The following EXOSC10 variants were observed in gnomAD, a reference collection of about 807,000 sequenced individuals.
EXOSC10 encodes exosome complex component 10.
In EXOSC10, 94 loss-of-function variants were observed where a neutral mutation model predicts 126.6. The ratio of observed to expected loss-of-function variants is 0.74; its 90% CI spans 0.63 to 0.88. The LOEUF (loss-of-function observed/expected upper bound fraction) is 0.88, where lower values mean the gene tolerates loss of function less well. Ranked by LOEUF, EXOSC10 falls within the 40% of genes least tolerant of loss-of-function variation. EXOSC10 has a pLI of 0.00. For synonymous variants in EXOSC10, 395 were observed against 400.8 expected, an observed-to-expected ratio of 0.99 and a Z score of 0.17; for missense variants, 1,041 against 1,100.5, an observed-to-expected ratio of 0.95 and a Z score of 0.77.
chr1:11,068,529 T>G (rs1570780421), intron 23 of EXOSC10, 116 bp downstream of exon 23: 1 of 801,258 alleles, frequency 1.2e-6, no homozygotes, highest in Non-Finnish European at 2.2e-6. Context: ...AGAAATGAGG[T>G]GAGGAAAAAG....
Position 11,090,314 on chromosome 1 carries a change from A to G in EXOSC10, c.758+240T>C, listed in dbSNP as rs78508444. 3.4e-3 allele frequency among the ~76,000 whole-genome samples: 517 copies of G among 152,226 alleles called. 1 individual carries two copies. Among genetic ancestry groups the G allele is most frequent in the Admixed American group, 7.1e-3 (109 of 15,288 alleles). On this transcript the variant is annotated intron_variant, in intron 6 of 24. Transcript: ENST00000376936. The stretch of plus-strand genomic sequence containing the variant: ...CGCCCAGCCTTCGTGTTTTACATCT[A>G]TAAAATGGGAATAAGAGCAACTGCT...
intron 3 of EXOSC10, among the ~76,000 whole-genome samples, chr1:11,091,909 C>A (rs537776537): frequency 6.6e-6 from 1 of 152,210 alleles, no homozygotes; most frequent in South Asian, 2.1e-4. Context: ...AGGCTGGTCT[C>A]GAACTCCTGA....
chr1:11,067,340 G>C (rs1300576922), intron 24 of EXOSC10, among the ~76,000 whole-genome samples: 1 of 152,090 alleles, frequency 6.6e-6, no homozygotes, highest in East Asian at 1.9e-4. Flanking sequence ...GCTGAGGCAG[G>C]AGAATGGCGT....
chr1:11,066,810 T>G, intron 24 of EXOSC10, 62 bp from the exon 25 acceptor site: 1 of 1,583,928 alleles, frequency 6.3e-7, no homozygotes, highest in South Asian at 1.1e-5. Context: ...CTCAGATGGT[T>G]TACAAAATGG....
intron 3 of EXOSC10, among the ~76,000 whole-genome samples, chr1:11,092,445 C>T (rs1217047506): frequency 6.6e-6 from 1 of 151,506 alleles, no homozygotes; most frequent in East Asian, 1.9e-4. Context: ...GATCTCTTGA[C>T]CTTGTGAGCT....
At chr1:11,070,680 C>T (rs1403927147) in intron 21 of EXOSC10, 24 of 543,398 alleles carry the variant, frequency 4.4e-5, no homozygotes, top group Non-Finnish European at 7.8e-5. Context: ...GGCATATTTA[C>T]CATAAACACA....
In EXOSC10 at chr1:11,080,610, G is replaced by A. The variant is rs1570816002; in HGVS notation, c.1587-61C>T. ...CACACACACACACACACACACGGTG[G>A]GGACACATTACATTCAGCCAGTAAG... On this transcript the variant is annotated intron_variant, in intron 12 of 24. Coordinates refer to ENST00000376936, the MANE Select transcript of EXOSC10 (RefSeq NM_001001998.3). 7 of 1,583,022 alleles carry A rather than the reference G, an allele frequency of 4.4e-6. No individual in the cohort carries two copies. The East Asian group carries it at 9.0e-5, about 20-fold the overall frequency.
chr1:11,097,918 C>T (rs1641206038), intron 2 of EXOSC10, 102 bp downstream of exon 2: 2 of 1,210,842 alleles, frequency 1.7e-6, no homozygotes, highest in African/African-American at 1.6e-5. Context: ...CTCTTCATAC[C>T]ACAGAAAATG....
At position 11,072,007 on chromosome 1, in the gene EXOSC10, A is replaced by G. The variant is rs144192115; in HGVS notation, c.2242+80T>C. ...CCACAGGGGCTTCATTCATCGCCGT[A>G]TCTGGCACTTGGCTGAAACAGCGGG... On this transcript the variant is annotated intron_variant, in intron 20 of 24. Coordinates refer to ENST00000376936, the MANE Select transcript of EXOSC10 (RefSeq NM_001001998.3). 6.2e-4 allele frequency: 720 copies of G among 1,168,422 alleles called. 9 individuals are homozygous for G. In the East Asian group the frequency reaches 0.016, roughly 26 times the overall value. The allele number at this position is 1,168,422 out of a possible 1,614,324, so 72.4% of individuals were successfully genotyped here.
At chr1:11,081,038 A>G in intron 11 of EXOSC10, 44 bp downstream of exon 11, 1 of 1,606,088 alleles carries the variant, frequency 6.2e-7, no homozygotes, top group South Asian at 1.1e-5. Flanking sequence ...GGCCAGACAC[A>G]GAGCCCAAGT....
At position 11,091,586 on chromosome 1, in the gene EXOSC10, C is replaced by G; in HGVS notation, c.384G>C (p.Leu128=). ...TCTTGTTTACACCTGAGGCTTCATC[C>G]AGTAAAATACCCTAAGAGTAGAAGA... ...DVILERVGIL[L]DEASGVNKNQ... Residue 128 remains leucine, a synonymous_variant, in exon 4 of 25, where the codon CTG becomes CTC. Transcript: ENST00000376936. 6.2e-7 allele frequency: 1 copy of G among 1,613,834 alleles called. No homozygotes were observed. The highest frequency in any genetic ancestry group is 8.5e-7 in the Non-Finnish European group (1 of 1,179,766).
chr1:11,073,859 C>G, intron 19 of EXOSC10, 75 bp downstream of exon 19: 1 of 1,078,434 alleles, frequency 9.3e-7, no homozygotes, highest in East Asian at 3.1e-5. Flanking sequence ...GCCTGGGTGA[C>G]AAAGCGAGAC....
intron 9 of EXOSC10, among the ~76,000 whole-genome samples, chr1:11,084,389 C>T (rs1488275980): frequency 2.6e-5 from 4 of 152,200 alleles, no homozygotes; most frequent in Non-Finnish European, 4.4e-5. Flanking sequence ...TGATGGTGAG[C>T]ATTTCTTCAT....
chr1:11,098,213 T>A, intron 1 of EXOSC10, 57 bp from the exon 2 acceptor site: 1 of 1,543,558 alleles, frequency 6.5e-7, no homozygotes. Flanking sequence ...TCATTTGGTA[T>A]GTCATTTTTT....
intron 24 of EXOSC10, among the ~76,000 whole-genome samples, chr1:11,067,289 G>A (rs367697215): frequency 5.9e-5 from 9 of 152,286 alleles, no homozygotes; most frequent in East Asian, 1.9e-4. Context: ...AAAATTAGCC[G>A]GGCATCATGG....
intron 2 of EXOSC10, among the ~76,000 whole-genome samples, chr1:11,097,432 G>T (rs1641171015): frequency 6.6e-6 from 1 of 151,744 alleles, no homozygotes; most frequent in Non-Finnish European, 1.5e-5. Context: ...TTGTGGGAAA[G>T]AATCTTGGAT....
intron 3 of EXOSC10, chr1:11,095,555 T>C: frequency 1.2e-5 from 5 of 410,012 alleles, no homozygotes; most frequent in South Asian, 5.1e-5. Context: ...CTACTAAAAA[T>C]ACAAAAAAAT....
intron 9 of EXOSC10, among the ~76,000 whole-genome samples, chr1:11,087,049 T>A (rs1640534389): frequency 1.3e-5 from 2 of 152,216 alleles, no homozygotes; most frequent in African/African-American, 4.8e-5. Flanking sequence ...TTTGAAAGGA[T>A]ATATGCAGTT....
rs752429280 is a variant in EXOSC10, at chr1:11,079,799, C to T, written c.1661G>A (p.Cys554Tyr). The T allele has an allele frequency of 1.9e-6, 3 of 1,613,368 alleles. No individual in the cohort carries two copies. In the Admixed American group the frequency reaches 5.0e-5, roughly 27 times the overall value. Residue 554 changes from cysteine to tyrosine, a missense_variant, in exon 14 of 25, where the codon TGC becomes TAC. Physicochemically the swap from Cys to Tyr is radical, Grantham distance 194 (BLOSUM62 -2). Around this residue, in one of 3 missense-constraint regions of EXOSC10, gnomAD observed 388 missense variants for 415.2 expected, o/e 0.93. Transcript: ENST00000376936. ...CACAAGGGGCGGTACTGGGTTGCAG[C>T]AAGCTATGATGCCCTGAGGTTCCCT... The part of the protein sequence containing the change: ...LPKEPQGIIA[C>Y]CNPVPPLVRQ...
Sources: gnomAD v4.1 joint callset for allele counts (sites outside exome capture counted in the v4.1 genomes callset) on GRCh38, gnomAD v4.1.1 for gene constraint, gnomAD v4.1.1 regional missense constraint, MANE v1.5 for transcripts, NCBI Gene and HGNC (gene_info 2026-07-23, HGNC 2026-07-21) for gene names.